The following C8orf89 variants were observed in gnomAD, a reference collection of about 807,000 sequenced individuals.
C8orf89 encodes the protein putative uncharacterized protein C8orf89.
Under a neutral mutation model 15.8 loss-of-function variants are expected in C8orf89, and 14 were observed. That is an observed-to-expected ratio of 0.89 (90% CI 0.59 to 1.39). The LOEUF (loss-of-function observed/expected upper bound fraction) is 1.39, where lower values mean the gene tolerates loss of function less well. Among genes scored for constraint, C8orf89 ranks in the 40% most tolerant of loss-of-function variants. The pLI is 0.00. For missense variants in C8orf89, 181 were observed against 184.5 expected, an observed-to-expected ratio of 0.98 and a Z score of 0.11; for synonymous variants, 55 against 62.2, an observed-to-expected ratio of 0.88 and a Z score of 0.54.
chr8:73,272,305 G>A, the C8orf89 span, among the ~76,000 whole-genome samples: 27 of 151,906 alleles, frequency 1.8e-4, 1 homozygote, highest in Admixed American at 1.4e-3. Context: ...CCATTTCTAT[G>A]CCCATTTGTG....
At chr8:73,250,371 C>T (rs912900228) in intron 2 of C8orf89, 48 bp from the exon 3 acceptor site, 2 of 1,047,244 alleles carry the variant, frequency 1.9e-6, no homozygotes, top group Non-Finnish European at 2.8e-6. Flanking sequence ...AAATTCAGGG[C>T]ACAATGAAAC....
chr8:73,262,851 G>C (rs1813553684), upstream of C8orf89, among the ~76,000 whole-genome samples: 1 of 151,374 alleles, frequency 6.6e-6, no homozygotes, highest in African/African-American at 2.4e-5. Context: ...CAAAATAAAA[G>C]AGCCATATCT....
intron 3 of C8orf89, among the ~76,000 whole-genome samples, chr8:73,243,457 T>TA (rs1813052815): frequency 6.6e-6 from 1 of 152,018 alleles, no homozygotes; most frequent in Non-Finnish European, 1.5e-5. Context: ...CCCAGAAAAT[T>TA]AAAAAAACAC....
At chr8:73,276,479 T>C in the C8orf89 span, among the ~76,000 whole-genome samples, 1 of 152,100 alleles carries the variant, frequency 6.6e-6, no homozygotes, top group Non-Finnish European at 1.5e-5. Context: ...CACCCAGCCT[T>C]CTGATGCATA....
At chr8:73,277,812 A>G in the C8orf89 span, 5 of 721,852 alleles carry the variant, frequency 6.9e-6, no homozygotes, top group Non-Finnish European at 1.3e-5. Flanking sequence ...CCGCACAGCC[A>G]TAATCACAGG....
intron 1 of C8orf89, among the ~76,000 whole-genome samples, chr8:73,258,364 T>A (rs1813449505): frequency 8.1e-6 from 1 of 123,944 alleles, no homozygotes; most frequent in African/African-American, 3.2e-5. Context: ...TGAGCCAACA[T>A]CACACCACTG....
chr8:73,242,867 C>A (rs1187209816), intron 3 of C8orf89, among the ~76,000 whole-genome samples: 1 of 152,122 alleles, frequency 6.6e-6, no homozygotes, highest in Non-Finnish European at 1.5e-5. Context: ...GTGTTTACTG[C>A]AGCACTGTTC....
At chr8:73,276,992 A>G in the C8orf89 span, among the ~76,000 whole-genome samples, 1 of 151,732 alleles carries the variant, frequency 6.6e-6, no homozygotes, top group Non-Finnish European at 1.5e-5. Flanking sequence ...TTTTTAGTAG[A>G]GACAGAGTTT....
At chr8:73,244,213 T>C (rs1586160302) in intron 3 of C8orf89, among the ~76,000 whole-genome samples, 1 of 152,042 alleles carries the variant, frequency 6.6e-6, no homozygotes, top group Non-Finnish European at 1.5e-5. Flanking sequence ...GTGGTAGTAA[T>C]AACAACAGAT....
At chr8:73,280,430 G>A in the C8orf89 span, among the ~76,000 whole-genome samples, 1 of 152,108 alleles carries the variant, frequency 6.6e-6, no homozygotes, top group African/African-American at 2.4e-5. Flanking sequence ...GAGTGCAGTG[G>A]CACGATCTCA....
At chr8:73,243,891 TGC>T (rs1813064956) in intron 3 of C8orf89, among the ~76,000 whole-genome samples, 1 of 152,162 alleles carries the variant, frequency 6.6e-6, no homozygotes, top group Admixed American at 6.5e-5. Flanking sequence ...AAACCTTTAA[TGC>T]TTGTATTTAA....
chr8:73,276,397 T>C, the C8orf89 span, among the ~76,000 whole-genome samples: 1 of 151,966 alleles, frequency 6.6e-6, no homozygotes, highest in Non-Finnish European at 1.5e-5. Flanking sequence ...AGCCTATTCT[T>C]GAACGCCTGA....
chr8:73,275,405 A>G, the C8orf89 span, among the ~76,000 whole-genome samples: 1 of 151,456 alleles, frequency 6.6e-6, no homozygotes, highest in African/African-American at 2.4e-5. Context: ...CCTGGCTAAC[A>G]TTTTGTATTT....
At chr8:73,246,424 G>A (rs1184356443) in intron 3 of C8orf89, among the ~76,000 whole-genome samples, 1 of 152,192 alleles carries the variant, frequency 6.6e-6, no homozygotes, top group African/African-American at 2.4e-5. Flanking sequence ...TGTCGCCCAG[G>A]CTAGAGTGCA....
chr8:73,261,404 G>A (rs1049685697), upstream of C8orf89, among the ~76,000 whole-genome samples: 2 of 151,856 alleles, frequency 1.3e-5, no homozygotes, highest in African/African-American at 4.8e-5. Context: ...GGGGAGAGAG[G>A]GCAAACGGTG....
the C8orf89 span, among the ~76,000 whole-genome samples, chr8:73,268,840 T>C: frequency 6.6e-6 from 1 of 152,158 alleles, no homozygotes; most frequent in African/African-American, 2.4e-5. Context: ...CATTGGGCCT[T>C]ATTATATAAC....
intron 2 of C8orf89, among the ~76,000 whole-genome samples, chr8:73,252,772 A>G (rs1473203111): frequency 6.6e-6 from 1 of 152,202 alleles, no homozygotes; most frequent in African/African-American, 2.4e-5. Flanking sequence ...AAAAATATAA[A>G]TCCTCCCCTA....
the C8orf89 span, among the ~76,000 whole-genome samples, chr8:73,276,196 A>C: frequency 9.9e-5 from 7 of 70,444 alleles, no homozygotes; most frequent in African/African-American, 3.3e-4. Flanking sequence ...TTTTTTTTTG[A>C]GATGGAGTCT....
intron 2 of C8orf89, among the ~76,000 whole-genome samples, chr8:73,252,438 A>G (rs1813270048): frequency 6.6e-6 from 1 of 152,220 alleles, no homozygotes; most frequent in Non-Finnish European, 1.5e-5. Flanking sequence ...TATCCATGAA[A>G]AAGAATTTTT....
Sources: gnomAD v4.1 joint callset for allele counts (sites outside exome capture counted in the v4.1 genomes callset) on GRCh38, gnomAD v4.1.1 for gene constraint, MANE v1.5 for transcripts, NCBI Gene and HGNC (gene_info 2026-07-23, HGNC 2026-07-21) for gene names.